FOXP2: variants seen among roughly 807,000 people sequenced by gnomAD.
FOXP2 encodes forkhead box protein P2.
In FOXP2, 12 loss-of-function variants were observed where a neutral mutation model predicts 115.8. The ratio of observed to expected loss-of-function variants is 0.10; its 90% CI spans 0.07 to 0.17. The LOEUF (loss-of-function observed/expected upper bound fraction) is 0.17, where lower values mean the gene tolerates loss of function less well. Among genes scored for constraint, FOXP2 ranks in the 10% least tolerant of loss-of-function variants. The pLI is 1.00. For missense variants in FOXP2, 629 were observed against 843.5 expected, an observed-to-expected ratio of 0.75 and a Z score of 3.15; for synonymous variants, 328 against 297.7, an observed-to-expected ratio of 1.10 and a Z score of -1.05.
At chr7:114,350,808 A>G (rs139477907) in intron 2 of FOXP2, among the ~76,000 whole-genome samples, 182 of 152,198 alleles carry the variant, frequency 1.2e-3, no homozygotes, top group African/African-American at 4.2e-3. Flanking sequence ...TCTTTTTACA[A>G]TTGACCTTCA....
At chr7:114,542,685 A>G (rs995003193) in intron 3 of FOXP2, among the ~76,000 whole-genome samples, 4 of 152,138 alleles carry the variant, frequency 2.6e-5, no homozygotes, top group East Asian at 1.9e-4. Context: ...AAGAACATCT[A>G]AGATTGTGCT....
intron 1 of FOXP2, among the ~76,000 whole-genome samples, chr7:114,148,055 G>A (rs545666992): frequency 6.6e-6 from 1 of 152,170 alleles, no homozygotes; most frequent in African/African-American, 2.4e-5. Flanking sequence ...AAGACTATTA[G>A]CATCATTGAG....
chr7:114,689,742 C>A, intron 16 of FOXP2, 40 bp from the exon 17 acceptor site: 1 of 1,610,910 alleles, frequency 6.2e-7, no homozygotes, highest in South Asian at 1.1e-5. Context: ...CTGTTTGTTG[C>A]TTACTTAGTA....
chr7:114,390,468 C>G (rs1792564480), intron 2 of FOXP2, among the ~76,000 whole-genome samples: 1 of 152,082 alleles, frequency 6.6e-6, no homozygotes, highest in African/African-American at 2.4e-5. Flanking sequence ...TGTTGACTTA[C>G]AGGCCAAATC....
intron 1 of FOXP2, among the ~76,000 whole-genome samples, chr7:114,148,054 A>T (rs1792423810): frequency 6.6e-6 from 1 of 152,216 alleles, no homozygotes; most frequent in African/African-American, 2.4e-5. Flanking sequence ...CAAGACTATT[A>T]GCATCATTGA....
chr7:114,480,772 CATACAT>C, intron 2 of FOXP2, among the ~76,000 whole-genome samples: 1 of 149,788 alleles, frequency 6.7e-6, no homozygotes, highest in Non-Finnish European at 1.5e-5. Context: ...TATACGTATA[CATACAT>C]ACACATGCAC....
At chr7:114,564,830 A>C (rs1041524782) in intron 3 of FOXP2, among the ~76,000 whole-genome samples, 1 of 151,414 alleles carries the variant, frequency 6.6e-6, no homozygotes, top group South Asian at 2.1e-4. Flanking sequence ...GCAGTGAGCC[A>C]AGATTGCTCC....
At chr7:114,329,669 T>G (rs548497053) in intron 2 of FOXP2, among the ~76,000 whole-genome samples, 6 of 149,286 alleles carry the variant, frequency 4.0e-5, no homozygotes, top group East Asian at 3.9e-4. Flanking sequence ...TATTTATTTA[T>G]TTATTTATTT....
chr7:114,256,018 A>C (rs1200294688), intron 1 of FOXP2, among the ~76,000 whole-genome samples: 2 of 152,208 alleles, frequency 1.3e-5, no homozygotes, highest in Admixed American at 1.3e-4. Flanking sequence ...ACAGTGTAAA[A>C]GTATTCCTAT....
chr7:114,564,710 T>C (rs553556138), intron 3 of FOXP2, among the ~76,000 whole-genome samples: 9 of 152,038 alleles, frequency 5.9e-5, no homozygotes, highest in Admixed American at 4.6e-4. Flanking sequence ...TGAGACCCTG[T>C]CTCTACAAAA....
intron 1 of FOXP2, among the ~76,000 whole-genome samples, chr7:114,153,272 A>G (rs1477547977): frequency 6.6e-6 from 1 of 152,180 alleles, no homozygotes; most frequent in African/African-American, 2.4e-5. Context: ...AGGATTTGCA[A>G]AATGACAGAA....
chr7:114,555,319 G>T (rs1800402820), intron 3 of FOXP2, among the ~76,000 whole-genome samples: 1 of 152,092 alleles, frequency 6.6e-6, no homozygotes, highest in Non-Finnish European at 1.5e-5. Context: ...GAAACCATGT[G>T]CCTTTTACTC....
chr7:114,449,489 T>C (rs1794977370), intron 2 of FOXP2, among the ~76,000 whole-genome samples: 1 of 152,114 alleles, frequency 6.6e-6, no homozygotes, highest in African/African-American at 2.4e-5. Flanking sequence ...ACCGTTTTTT[T>C]CTGCAAAGTA....
intron 2 of FOXP2, among the ~76,000 whole-genome samples, chr7:114,500,926 A>G (rs995403878): frequency 6.6e-6 from 1 of 152,182 alleles, no homozygotes; most frequent in Non-Finnish European, 1.5e-5. Context: ...TATCACATTT[A>G]TCAGTTTTTT....
intron 3 of FOXP2, among the ~76,000 whole-genome samples, chr7:114,595,351 T>C (rs1240372861): frequency 1.3e-5 from 2 of 152,072 alleles, no homozygotes; most frequent in African/African-American, 4.8e-5. Context: ...CAGAAGGGTA[T>C]TAAACACTCA....
In FOXP2 at chr7:114,689,971, C is replaced by T; in HGVS notation, c.*45C>T. 1 of 1,606,870 alleles carries T rather than the reference C, an allele frequency of 6.2e-7. No homozygotes were observed. Among genetic ancestry groups the T allele is most frequent in the South Asian group, 1.1e-5 (1 of 90,942 alleles). ...CAGCGTGAAGGGACATATCACTGAC[C>T]TTCATAACCACTCCACAACCATGAA... On this transcript the variant is annotated 3_prime_UTR_variant, in exon 17 of 17. Coordinates refer to ENST00000350908, the MANE Select transcript of FOXP2 (RefSeq NM_014491.4).
In FOXP2 at chr7:114,631,633, A is replaced by G; in HGVS notation, c.703A>G (p.Ser235Gly). 1.2e-6 allele frequency: 2 copies of G among 1,614,054 alleles called. No homozygotes were observed. The highest frequency in any genetic ancestry group is 8.5e-7 in the Non-Finnish European group (1 of 1,180,008). ...ACTCCAGCAGCAGCAGCATCTGCTC[A>G]GCCTTCAGCGTCAGGGACTCATCTC... ...QQLQQQQHLL[S>G]LQRQGLISIP... Residue 235 changes from serine (S) to glycine (G), a missense_variant, in exon 6 of 17, where the codon AGC becomes GGC. Around this residue, in one of 9 missense-constraint regions of FOXP2, gnomAD observed 138 missense variants for 205.1 expected, o/e 0.67. Coordinates refer to ENST00000350908, the MANE Select transcript of FOXP2 (RefSeq NM_014491.4).
In FOXP2 at chr7:114,180,804, C is replaced by T. The variant is rs181403207; in HGVS notation, c.-102+17716C>T. On this transcript the variant is annotated intron_variant, in intron 1 of 17. Coordinates refer to the FOXP2 transcript ENST00000634411. ...TTTATCTCACTACAGCCCACTGATGCTATCCTAGTCTAAAACTTTCACTTG... is the reference window on the plus strand; with the variant it reads ...TTTATCTCACTACAGCCCACTGATGTTATCCTAGTCTAAAACTTTCACTTG... 1.6e-3 allele frequency among the ~76,000 whole-genome samples: 238 copies of T among 152,044 alleles called. 3 individuals are homozygous for T. Among genetic ancestry groups the T allele is most frequent in the African/African-American group, 5.5e-3 (230 of 41,520 alleles).
intron 16 of FOXP2, among the ~76,000 whole-genome samples, chr7:114,673,525 A>C (rs1356951652): frequency 6.6e-6 from 1 of 152,248 alleles, no homozygotes; most frequent in Non-Finnish European, 1.5e-5. Flanking sequence ...AGCCTAAATC[A>C]TGTAAAATCT....
Sources: gnomAD v4.1 joint callset for allele counts (sites outside exome capture counted in the v4.1 genomes callset) on GRCh38, gnomAD v4.1.1 for gene constraint, gnomAD v4.1.1 regional missense constraint, MANE v1.5 for transcripts, NCBI Gene and HGNC (gene_info 2026-07-23, HGNC 2026-07-21) for gene names.